NUP210L: variants seen among roughly 807,000 people sequenced by gnomAD.
NUP210L encodes nucleoporin 210 like.
Under a neutral mutation model 208.5 loss-of-function variants are expected in NUP210L, and 74 were observed. The observed-to-expected ratio is 0.35, with a 90% CI of 0.29 to 0.43. The LOEUF (loss-of-function observed/expected upper bound fraction) is 0.43, where lower values mean the gene tolerates loss of function less well. Ranked by LOEUF, NUP210L falls within the 20% of genes least tolerant of loss-of-function variation. NUP210L has a pLI of 1.00. For missense variants in NUP210L, 1,843 were observed against 2,289.4 expected, an observed-to-expected ratio of 0.81 and a Z score of 3.98; for synonymous variants, 780 against 816.9, an observed-to-expected ratio of 0.95 and a Z score of 0.77.
intron 2 of NUP210L, among the ~76,000 whole-genome samples, chr1:154,149,520 G>A (rs1659282380): frequency 6.6e-6 from 1 of 152,120 alleles, no homozygotes; most frequent in Non-Finnish European, 1.5e-5. Flanking sequence ...AGACCAGCCT[G>A]AGCAACCCCA....
chr1:154,075,735 A>G (rs1654997836), intron 16 of NUP210L, among the ~76,000 whole-genome samples: 1 of 152,152 alleles, frequency 6.6e-6, no homozygotes, highest in African/African-American at 2.4e-5. Flanking sequence ...AGCAGTTTCC[A>G]TAGAAACTGC....
chr1:154,148,215 C>T (rs1361085281), intron 2 of NUP210L, among the ~76,000 whole-genome samples: 8 of 151,256 alleles, frequency 5.3e-5, no homozygotes, highest in South Asian at 2.1e-4. Flanking sequence ...TGCAGTCAGC[C>T]GAGATTGCAC....
intron 12 of NUP210L, among the ~76,000 whole-genome samples, chr1:154,112,688 T>G (rs373055797): frequency 1.3e-5 from 2 of 151,926 alleles, no homozygotes; most frequent in South Asian, 2.1e-4. Flanking sequence ...AGACCCTGTC[T>G]CTAAAAAAAG....
At chr1:154,082,599 C>T (rs1655396183) in intron 16 of NUP210L, among the ~76,000 whole-genome samples, 1 of 152,160 alleles carries the variant, frequency 6.6e-6, no homozygotes, top group Non-Finnish European at 1.5e-5. Flanking sequence ...TTTACAATAT[C>T]CTTTATAATA....
chr1:154,108,786 A>G (rs1398401345), intron 12 of NUP210L, among the ~76,000 whole-genome samples: 1 of 151,768 alleles, frequency 6.6e-6, no homozygotes, highest in Non-Finnish European at 1.5e-5. Context: ...CAATCAAAAA[A>G]GATAGAGTGA....
At chr1:154,100,695 T>C (rs1276678453) in intron 13 of NUP210L, among the ~76,000 whole-genome samples, 1 of 150,916 alleles carries the variant, frequency 6.6e-6, no homozygotes, top group Non-Finnish European at 1.5e-5. Context: ...ATTTTTTATA[T>C]TTTTAGTAGA....
At chr1:154,133,265 C>T (rs142888703) in intron 7 of NUP210L, among the ~76,000 whole-genome samples, 44 of 152,172 alleles carry the variant, frequency 2.9e-4, no homozygotes, top group African/African-American at 9.9e-4. Flanking sequence ...TCTAACTATG[C>T]TAGGTAAAGA....
In NUP210L at chr1:154,100,720, G is replaced by A. The variant is rs1367801972; in HGVS notation, c.1820-577C>T. On this transcript the variant is annotated intron_variant, in intron 13 of 39. Transcript: ENST00000368559. ...TTTTTAGTAGAGACAGGGTTTCACT[G>A]TATTGGCCACGCTGGTCTCGAACTC... Among the ~76,000 whole-genome samples, 3 of 150,948 alleles carry A rather than the reference G, an allele frequency of 2.0e-5. No homozygotes were observed. The East Asian group carries it at 6.1e-4, about 31-fold the overall frequency.
At chr1:153,995,551 G>C (rs564671489) in intron 37 of NUP210L, 23 of 671,164 alleles carry the variant, frequency 3.4e-5, no homozygotes, top group South Asian at 3.1e-4. Flanking sequence ...GATTTCAAAG[G>C]ATGCTTTAAA....
At chr1:154,099,777 A>C (rs952832779) in intron 14 of NUP210L, among the ~76,000 whole-genome samples, 1 of 152,252 alleles carries the variant, frequency 6.6e-6, no homozygotes, top group African/African-American at 2.4e-5. Flanking sequence ...TTTCTGATAC[A>C]ACTTAAAGAT....
At chr1:154,117,647 T>C (rs1329568689) in intron 12 of NUP210L, 78 bp downstream of exon 12, 6 of 1,171,920 alleles carry the variant, frequency 5.1e-6, no homozygotes, top group Non-Finnish European at 7.2e-6. Context: ...GTTGGGCTCT[T>C]TTTTTAAAGT....
chr1:154,091,080 A>G (rs1272213151), intron 15 of NUP210L, among the ~76,000 whole-genome samples: 1 of 139,464 alleles, frequency 7.2e-6, no homozygotes, highest in Non-Finnish European at 1.5e-5. Context: ...TGTTATTATT[A>G]TTATTATTAT....
exon 7 of NUP210L, chr1:154,135,900 G>A: frequency 2.5e-6 from 4 of 1,608,590 alleles, no homozygotes; most frequent in Non-Finnish European, 3.4e-6. Flanking sequence ...CACTTTCTCA[G>A]AATGAGACCC....
chr1:154,149,210 C>T (rs1350136602), intron 2 of NUP210L, among the ~76,000 whole-genome samples: 1 of 151,770 alleles, frequency 6.6e-6, no homozygotes, highest in South Asian at 2.1e-4. Flanking sequence ...CTCAGCCTCC[C>T]AAGTAGCTGG....
chr1:154,065,629 A>T (rs1253760389), intron 17 of NUP210L, among the ~76,000 whole-genome samples: 1 of 152,120 alleles, frequency 6.6e-6, no homozygotes, highest in Non-Finnish European at 1.5e-5. Context: ...GTGGCAGCTC[A>T]TGCCTGTAAT....
intron 14 of NUP210L, among the ~76,000 whole-genome samples, chr1:154,098,851 C>T (rs966692301): frequency 2.0e-5 from 3 of 152,200 alleles, no homozygotes; most frequent in Non-Finnish European, 4.4e-5. Context: ...TGTCTGCCTC[C>T]TGCCGCTGTT....
At chr1:154,102,493 T>C (rs1227366277) in intron 13 of NUP210L, among the ~76,000 whole-genome samples, 3 of 152,146 alleles carry the variant, frequency 2.0e-5, no homozygotes, top group Non-Finnish European at 4.4e-5. Context: ...GAAAGATCAC[T>C]TGAACCCGGG....
chr1:154,047,118 A>AG (rs922552524), intron 25 of NUP210L, among the ~76,000 whole-genome samples: 1 of 152,040 alleles, frequency 6.6e-6, no homozygotes, highest in Non-Finnish European at 1.5e-5. Flanking sequence ...GTGGGTGGGT[A>AG]GGGGGGCTAT....
intron 29 of NUP210L, among the ~76,000 whole-genome samples, chr1:154,026,607 C>T (rs1193077039): frequency 5.3e-5 from 8 of 152,116 alleles, no homozygotes; most frequent in Non-Finnish European, 7.4e-5. Context: ...ATTGGCCTCC[C>T]AGAGGCCTGG....
Sources: gnomAD v4.1 joint callset for allele counts (sites outside exome capture counted in the v4.1 genomes callset) on GRCh38, gnomAD v4.1.1 for gene constraint, MANE v1.5 for transcripts, NCBI Gene and HGNC (gene_info 2026-07-23, HGNC 2026-07-21) for gene names.